The following LPP variants were observed in gnomAD, a reference collection of about 807,000 sequenced individuals.
LPP encodes the protein LIM domain containing preferred translocation partner in lipoma.
In LPP, 38 loss-of-function variants were observed where a neutral mutation model predicts 60.4. That is an observed-to-expected ratio of 0.63 (90% CI 0.49 to 0.83). LPP has a LOEUF of 0.83. Ranked by LOEUF, LPP falls within the 40% of genes least tolerant of loss-of-function variation. LPP has a pLI of 0.00. For missense variants in LPP, 902 were observed against 783.6 expected (o/e 1.15, Z -1.80); for synonymous variants, 328 against 290.8 (o/e 1.13, Z -1.30).
At chr3:188,202,122 A>G (rs1357185953) in intron 1 of LPP, among the ~76,000 whole-genome samples, 1 of 151,908 alleles carries the variant, frequency 6.6e-6, no homozygotes, top group Non-Finnish European at 1.5e-5. Flanking sequence ...TTGGGAAGCC[A>G]TTTCAGATAT....
chr3:188,813,372 A>T (rs1324731862), intron 9 of LPP, among the ~76,000 whole-genome samples: 1 of 152,152 alleles, frequency 6.6e-6, no homozygotes, highest in African/African-American at 2.4e-5. Flanking sequence ...TGCATGAATG[A>T]TCTTATGTAA....
intron 1 of LPP, among the ~76,000 whole-genome samples, chr3:188,194,539 C>T (rs1043722637): frequency 1.3e-5 from 2 of 152,146 alleles, no homozygotes; most frequent in East Asian, 1.9e-4. Context: ...AACCTCAGTG[C>T]GATGACTCAG....
chr3:188,188,660 A>G (rs1202008690), intron 1 of LPP, among the ~76,000 whole-genome samples: 1 of 152,208 alleles, frequency 6.6e-6, no homozygotes, highest in African/African-American at 2.4e-5. Context: ...CACGTGGTAT[A>G]TAAGGAAGGG....
intron 1 of LPP, among the ~76,000 whole-genome samples, chr3:188,203,526 A>AATAT (rs1184377672): frequency 9.2e-5 from 3 of 32,434 alleles, no homozygotes; most frequent in African/African-American, 2.7e-4. Flanking sequence ...AATATATATA[A>AATAT]ATATATATTT....
chr3:188,393,803 A>C (rs1396447423), intron 3 of LPP, among the ~76,000 whole-genome samples: 1 of 152,196 alleles, frequency 6.6e-6, no homozygotes. Flanking sequence ...GGTCCTAGGA[A>C]TATATAGATA....
chr3:188,559,918 G>A (rs1329134376), intron 6 of LPP, among the ~76,000 whole-genome samples: 2 of 152,066 alleles, frequency 1.3e-5, no homozygotes, highest in East Asian at 3.9e-4. Flanking sequence ...CCTACTTCCA[G>A]GACCTCAGAC....
chr3:188,672,340 A>G (rs1245980212), intron 7 of LPP, among the ~76,000 whole-genome samples: 1 of 151,556 alleles, frequency 6.6e-6, no homozygotes, highest in Non-Finnish European at 1.5e-5. Context: ...GTGAAAGTGC[A>G]CCCATACCCC....
intron 8 of LPP, among the ~76,000 whole-genome samples, chr3:188,742,105 C>G (rs1346760750): frequency 6.6e-6 from 1 of 152,176 alleles, no homozygotes; most frequent in East Asian, 1.9e-4. Flanking sequence ...CTGTAAGGTA[C>G]CTCCATACAT....
Position 188,610,167 on chromosome 3 carries a change from A to G in LPP, c.1113+323A>G, listed in dbSNP as rs1580376162. Among the ~76,000 whole-genome samples the G allele has an allele frequency of 3.3e-5, 5 of 152,326 alleles. 2 individuals carry two copies. The Middle Eastern group carries it at 0.017, about 518-fold the overall frequency. ...TAATTTATTTTTCACATCCTTCCCT[A>G]TATTGGTTAAAGCTTCCCTCTGTTG... On this transcript the variant is annotated intron_variant, in intron 7 of 11. Coordinates refer to ENST00000617246, the MANE Select transcript of LPP (RefSeq NM_001375462.1). The surrounding 1 kb of genome is among the most constrained non-coding windows in gnomAD (Gnocchi z 4.4).
intron 7 of LPP, among the ~76,000 whole-genome samples, chr3:188,625,084 G>T (rs534593188): frequency 1.1e-4 from 16 of 151,834 alleles, no homozygotes; most frequent in African/African-American, 3.4e-4. Context: ...CTATTTTAAG[G>T]GTTATCTAAT....
At chr3:188,361,218 G>A (rs1258315441) in intron 3 of LPP, among the ~76,000 whole-genome samples, 4 of 152,158 alleles carry the variant, frequency 2.6e-5, no homozygotes, top group South Asian at 2.1e-4. Context: ...CAAATAAACT[G>A]TGATAAAGAT....
intron 9 of LPP, among the ~76,000 whole-genome samples, chr3:188,765,827 C>T (rs1416479538): frequency 6.7e-6 from 1 of 148,466 alleles, no homozygotes; most frequent in Non-Finnish European, 1.5e-5. Flanking sequence ...CAGGCTTGCA[C>T]CACCACGTGC....
intron 7 of LPP, among the ~76,000 whole-genome samples, chr3:188,623,141 G>A (rs115753464): frequency 0.014 from 2,189 of 151,126 alleles, 35 homozygotes; most frequent in Middle Eastern, 0.097. Context: ...TTACATAAGG[G>A]CTTAAAGAGT....
Position 188,882,598 on chromosome 3 carries a change from A to G in LPP, c.*8119A>G. 9.0e-6 allele frequency: 2 copies of G among 221,462 alleles called. No homozygotes were observed. Among genetic ancestry groups the G allele is most frequent in the East Asian group, 1.3e-4 (2 of 15,048 alleles). 13.7% of individuals were successfully genotyped at this position (221,462 alleles called of 1,614,324 possible). A position where few individuals can be genotyped will look rare whatever the true frequency, so the allele number is the denominator to read the frequency against. On this transcript the variant is annotated 3_prime_UTR_variant, in exon 12 of 12. Coordinates refer to ENST00000617246, the MANE Select transcript of LPP (RefSeq NM_001375462.1). ...TCTTCTATTCTTGCAGCAAGGGTAC[A>G]TGTCCTTTGACCCTCCACAAAAGAA...
chr3:188,199,842 G>A (rs1013131240), intron 1 of LPP, among the ~76,000 whole-genome samples: 5 of 151,904 alleles, frequency 3.3e-5, no homozygotes, highest in Admixed American at 1.3e-4. Flanking sequence ...AGCCTCCCGA[G>A]TAGCTGGGAC....
chr3:188,368,665 C>G (rs1771937084), intron 3 of LPP, among the ~76,000 whole-genome samples: 1 of 138,180 alleles, frequency 7.2e-6, no homozygotes, highest in Non-Finnish European at 1.5e-5. Context: ...TGTTATACTA[C>G]AAACACACAC....
chr3:188,737,022 A>C (rs2150121221), intron 8 of LPP, among the ~76,000 whole-genome samples: 1 of 152,184 alleles, frequency 6.6e-6, no homozygotes. Flanking sequence ...TATATAAAAA[A>C]ATGGGTAGAA....
chr3:188,826,488 T>A (rs1315516950), intron 9 of LPP, among the ~76,000 whole-genome samples: 1 of 152,206 alleles, frequency 6.6e-6, no homozygotes, highest in Non-Finnish European at 1.5e-5. Flanking sequence ...CAATGCAGAA[T>A]AACTATCAAA....
intron 9 of LPP, among the ~76,000 whole-genome samples, chr3:188,769,054 T>G (rs1735032813): frequency 6.6e-6 from 1 of 152,196 alleles, no homozygotes; most frequent in South Asian, 2.1e-4. Context: ...ATGACAATTT[T>G]AGGTTTAGAA....
Sources: allele counts gnomAD v4.1 joint callset (sites outside exome capture counted in the v4.1 genomes callset), GRCh38; gene constraint gnomAD v4.1.1; non-coding constraint Gnocchi (gnomAD v3.1); transcripts MANE v1.5; gene names NCBI Gene and HGNC (gene_info 2026-07-23, HGNC 2026-07-21).